The following PDE3A variants were observed in gnomAD, a reference collection of about 807,000 sequenced individuals.
PDE3A encodes the protein cGMP-inhibited 3',5'-cyclic phosphodiesterase 3A.
Under a neutral mutation model 98.3 loss-of-function variants are expected in PDE3A, and 43 were observed. That is an observed-to-expected ratio of 0.44 (90% CI 0.34 to 0.56). The LOEUF (loss-of-function observed/expected upper bound fraction) is 0.56, where lower values mean the gene tolerates loss of function less well. Among genes scored for constraint, PDE3A ranks in the 20% least tolerant of loss-of-function variants. The pLI, the probability that PDE3A is intolerant of heterozygous loss-of-function variation, is 0.01. For missense variants in PDE3A, 1,427 were observed against 1,440.7 expected (o/e 0.99, Z 0.15); for synonymous variants, 663 against 567.9 (o/e 1.17, Z -2.38).
chr12:20,618,401 A>AG (rs1301496558), intron 4 of PDE3A, among the ~76,000 whole-genome samples: 7 of 145,256 alleles, frequency 4.8e-5, no homozygotes, highest in Non-Finnish European at 1.1e-4. Context: ...TCTTTGAGGA[A>AG]GGACTACATT....
rs963208709 is a variant in PDE3A, at chr12:20,552,289, C to A, written c.961-4371C>A. ...CAAGTACGCCCCCGCTGAGGGCAAC[C>A]GCTACGATGGCATCTACAAGGTTGT... On this transcript the variant is annotated intron_variant, in intron 1 of 15. Coordinates refer to ENST00000359062, the MANE Select transcript of PDE3A (RefSeq NM_000921.5). This position sits in a 1 kb window ranked among gnomAD's most constrained non-coding sequence, Gnocchi z 5.1. 1.9e-6 allele frequency: 3 copies of A among 1,613,752 alleles called. No individual in the cohort carries two copies. The highest frequency in any genetic ancestry group is 1.1e-5 in the South Asian group (1 of 91,070).
intron 1 of PDE3A, among the ~76,000 whole-genome samples, chr12:20,392,569 G>C (rs892820270): frequency 1.3e-5 from 2 of 151,548 alleles, no homozygotes; most frequent in Non-Finnish European, 2.9e-5. Flanking sequence ...AATCTAGCTG[G>C]ACATTATGGA....
chr12:20,403,112 C>A (rs1277024954), intron 1 of PDE3A, among the ~76,000 whole-genome samples: 2 of 152,108 alleles, frequency 1.3e-5, no homozygotes, highest in African/African-American at 4.8e-5. Context: ...CATTTTCTTA[C>A]TGTGTGGGTG....
chr12:20,666,651 TACC>T (rs1319592062), intron 15 of PDE3A, among the ~76,000 whole-genome samples: 2 of 152,248 alleles, frequency 1.3e-5, no homozygotes, highest in Non-Finnish European at 2.9e-5. Context: ...TGTGTATGTA[TACC>T]ACATTTTCTT....
At chr12:20,465,354 C>T (rs963777927) in intron 1 of PDE3A, among the ~76,000 whole-genome samples, 13 of 152,036 alleles carry the variant, frequency 8.6e-5, no homozygotes, top group East Asian at 3.9e-4. Context: ...TAAGTACTTA[C>T]GTGTGTTAGA....
At chr12:20,546,161 G>T (rs1484999013) in intron 1 of PDE3A, among the ~76,000 whole-genome samples, 2 of 151,912 alleles carry the variant, frequency 1.3e-5, no homozygotes, top group Admixed American at 1.3e-4. Flanking sequence ...GTCTTTTTCA[G>T]CACCACCTGT....
chr12:20,669,961 C>T (rs11494687), intron 15 of PDE3A, among the ~76,000 whole-genome samples: 4,210 of 152,040 alleles, frequency 0.028, 82 homozygotes, highest in Non-Finnish European at 0.044. Flanking sequence ...ACCCATCTCA[C>T]GTGCAGACAC....
chr12:20,659,721 T>C (rs1945117634), intron 15 of PDE3A, among the ~76,000 whole-genome samples: 1 of 152,184 alleles, frequency 6.6e-6, no homozygotes, highest in Non-Finnish European at 1.5e-5. Context: ...ACAGGCAGCA[T>C]GAGCCACCAT....
chr12:20,426,737 G>C (rs1337197327), intron 1 of PDE3A, among the ~76,000 whole-genome samples: 1 of 152,170 alleles, frequency 6.6e-6, no homozygotes, highest in African/African-American at 2.4e-5. Context: ...TTTTTACTCA[G>C]TATTAAGGGT....
At chr12:20,598,925 G>A (rs1943527739) in intron 2 of PDE3A, among the ~76,000 whole-genome samples, 1 of 152,036 alleles carries the variant, frequency 6.6e-6, no homozygotes, top group African/African-American at 2.4e-5. Context: ...CTTCTTCTAT[G>A]CCACACCTTA....
At chr12:20,502,924 A>G (rs942144810) in intron 1 of PDE3A, among the ~76,000 whole-genome samples, 3 of 152,118 alleles carry the variant, frequency 2.0e-5, no homozygotes, top group Non-Finnish European at 2.9e-5. Context: ...CTTACTAGCT[A>G]TGTCCCTTTG....
intron 1 of PDE3A, among the ~76,000 whole-genome samples, chr12:20,541,388 AG>A (rs1941906158): frequency 6.6e-6 from 1 of 152,010 alleles, no homozygotes; most frequent in South Asian, 2.1e-4. Context: ...TACAGGCACA[AG>A]CCACCATACC....
chr12:20,648,358 T>C (rs906612906), intron 12 of PDE3A, among the ~76,000 whole-genome samples: 7 of 151,260 alleles, frequency 4.6e-5, no homozygotes, highest in Non-Finnish European at 8.8e-5. Flanking sequence ...TATTTGTATA[T>C]AATTTTTATG....
In PDE3A at chr12:20,552,285, C is replaced by T; in HGVS notation, c.961-4375C>T. On this transcript the variant is annotated intron_variant, in intron 1 of 15. Coordinates refer to ENST00000359062, the MANE Select transcript of PDE3A (RefSeq NM_000921.5). The surrounding 1 kb of genome is among the most constrained non-coding windows in gnomAD (Gnocchi z 5.1). ...ATAGCAAGTACGCCCCCGCTGAGGGCAACCGCTACGATGGCATCTACAAGG... is the reference window on the plus strand; with the variant it reads ...ATAGCAAGTACGCCCCCGCTGAGGGTAACCGCTACGATGGCATCTACAAGG... 1.9e-6 allele frequency: 3 copies of T among 1,613,870 alleles called. No individual in the cohort carries two copies. The highest frequency in any genetic ancestry group is 2.5e-6 in the Non-Finnish European group (3 of 1,179,878).
chr12:20,479,907 T>C (rs1945594159), intron 1 of PDE3A, among the ~76,000 whole-genome samples: 1 of 152,188 alleles, frequency 6.6e-6, no homozygotes, highest in East Asian at 1.9e-4. Flanking sequence ...AAGAGCAAAA[T>C]TGAGAAGCTG....
chr12:20,386,087 A>ATATAAATATC (rs1943772101), intron 1 of PDE3A, among the ~76,000 whole-genome samples: 1 of 37,226 alleles, frequency 2.7e-5, no homozygotes, highest in African/African-American at 8.6e-5. Flanking sequence ...ATATAAATAT[A>ATATAAATATC]TAAATATATA....
At chr12:20,463,095 C>T (rs1945281859) in intron 1 of PDE3A, among the ~76,000 whole-genome samples, 1 of 151,964 alleles carries the variant, frequency 6.6e-6, no homozygotes, top group Non-Finnish European at 1.5e-5. Context: ...TGATTATGCC[C>T]ATGATAAATT....
Position 20,398,250 on chromosome 12 carries a change from T to G in PDE3A, c.960+28006T>G, listed in dbSNP as rs534847403. On this transcript the variant is annotated intron_variant, in intron 1 of 15. Transcript: ENST00000359062. ...AGGAATTATTCAGTTATCACTGGTC[T>G]GGAGAAGAAAGAGCATGGCCCATTT... Among the ~76,000 whole-genome samples, 161 of 151,258 alleles carry G rather than the reference T, an allele frequency of 1.1e-3. 2 individuals carry two copies. The highest frequency in any genetic ancestry group is 0.01 in the Admixed American group (158 of 15,162).
At chr12:20,419,028 A>C (rs1408899861) in intron 1 of PDE3A, among the ~76,000 whole-genome samples, 1 of 152,114 alleles carries the variant, frequency 6.6e-6, no homozygotes, top group African/African-American at 2.4e-5. Flanking sequence ...TCTTGGTTGC[A>C]CTTCTGATTA....
Sources: allele counts gnomAD v4.1 joint callset (sites outside exome capture counted in the v4.1 genomes callset), GRCh38; gene constraint gnomAD v4.1.1; non-coding constraint Gnocchi (gnomAD v3.1); transcripts MANE v1.5; gene names NCBI Gene and HGNC (gene_info 2026-07-23, HGNC 2026-07-21).